The following ANKRD17 variants were observed in gnomAD, a reference collection of about 807,000 sequenced individuals.
The protein encoded by ANKRD17 is ankyrin repeat domain 17, also known as ankyrin repeat domain-containing protein 17.
In ANKRD17, 19 loss-of-function variants were observed where a neutral mutation model predicts 229.7. The ratio of observed to expected loss-of-function variants is 0.08; its 90% CI spans 0.06 to 0.12. The LOEUF (loss-of-function observed/expected upper bound fraction) is 0.12, where lower values mean the gene tolerates loss of function less well. Ranked by LOEUF, ANKRD17 falls within the 10% of genes least tolerant of loss-of-function variation. The pLI is 1.00. For missense variants in ANKRD17, 2,176 were observed against 3,176.8 expected (o/e 0.68, Z 7.57); for synonymous variants, 1,112 against 1,146.1 (o/e 0.97, Z 0.60).
intron 29 of ANKRD17, 109 bp downstream of exon 29, chr4:73,090,558 A>G: frequency 7.2e-7 from 1 of 1,386,330 alleles, no homozygotes; most frequent in Non-Finnish European, 9.9e-7. Context: ...TAAATCCAAC[A>G]ATCTTTGTCT....
At chr4:73,211,918 G>T (rs1740329898) in intron 1 of ANKRD17, among the ~76,000 whole-genome samples, 1 of 151,012 alleles carries the variant, frequency 6.6e-6, no homozygotes, top group Non-Finnish European at 1.5e-5. Context: ...GAAACTATAT[G>T]GTACAACTAA....
intron 29 of ANKRD17, among the ~76,000 whole-genome samples, chr4:73,086,022 T>G (rs1274995609): frequency 1.3e-5 from 2 of 152,008 alleles, no homozygotes; most frequent in African/African-American, 4.8e-5. Flanking sequence ...ATGTAGATAA[T>G]TATAAAAGAA....
chr4:73,217,725 A>G (rs916617264), intron 1 of ANKRD17, among the ~76,000 whole-genome samples: 12 of 152,126 alleles, frequency 7.9e-5, no homozygotes, highest in Non-Finnish European at 1.0e-4. Context: ...TCTGCATTTG[A>G]CCTCGTGTGA....
At chr4:73,193,750 G>A (rs1340821206) in intron 1 of ANKRD17, among the ~76,000 whole-genome samples, 2 of 152,012 alleles carry the variant, frequency 1.3e-5, no homozygotes, top group East Asian at 1.9e-4. Context: ...CCTGGTCAAC[G>A]TGGCAAAATC....
chr4:73,127,545 C>T (rs1450702640), intron 16 of ANKRD17, among the ~76,000 whole-genome samples: 2 of 152,044 alleles, frequency 1.3e-5, no homozygotes, highest in African/African-American at 4.8e-5. Flanking sequence ...GTACTTATCA[C>T]CAATCTGCCT....
At chr4:73,219,124 G>A (rs932664487) in intron 1 of ANKRD17, among the ~76,000 whole-genome samples, 3 of 152,140 alleles carry the variant, frequency 2.0e-5, no homozygotes, top group Admixed American at 2.0e-4. Flanking sequence ...ACTTCTTGAT[G>A]AATGGAAAAT....
rs1475283259 is a variant in ANKRD17 at position 73,258,700 on chromosome 4, G to A, written c.-32C>T. ...GGAAAGAGGGAGGGCGCGGACGGGG[G>A]AGGGGCGTGGGGCTACGCTCTACCG... On this transcript the variant is annotated 5_prime_UTR_variant, in exon 1 of 34. Coordinates refer to ENST00000358602, the MANE Select transcript of ANKRD17 (RefSeq NM_032217.5). 5 of 1,433,616 alleles carry A rather than the reference G, an allele frequency of 3.5e-6. No homozygotes were observed. The highest frequency in any genetic ancestry group is 4.5e-6 in the Non-Finnish European group (5 of 1,105,278). 88.8% of individuals were successfully genotyped at this position (1,433,616 alleles called of 1,614,324 possible). A position where few individuals can be genotyped will look rare whatever the true frequency, so the allele number is the denominator to read the frequency against.
At chr4:73,223,256 T>C in intron 1 of ANKRD17, 1 of 403,018 alleles carries the variant, frequency 2.5e-6, no homozygotes. Context: ...CAAGTAATTT[T>C]AACAGACAAA....
intron 15 of ANKRD17, among the ~76,000 whole-genome samples, chr4:73,139,269 T>C (rs778884351): frequency 3.3e-4 from 50 of 152,076 alleles, no homozygotes; most frequent in Non-Finnish European, 2.4e-4. Flanking sequence ...AAATCAAACA[T>C]CAACCCCACT....
rs567911996 is a variant in ANKRD17 at position 73,227,374 on chromosome 4, G to A, written c.393+30902C>T. 1.2e-4 allele frequency among the ~76,000 whole-genome samples: 18 copies of A among 152,058 alleles called. No homozygotes were observed. In the South Asian group the frequency reaches 2.7e-3, roughly 23 times the overall value. Reference sequence around the variant, plus strand: ...TCATCATGTTGGCCAGGGTGCTCTCGAACTCCTGACCTCAAGTGACCGCCT... The same window carrying A: ...TCATCATGTTGGCCAGGGTGCTCTCAAACTCCTGACCTCAAGTGACCGCCT... On this transcript the variant is annotated intron_variant, in intron 1 of 33. Coordinates refer to ENST00000358602, the MANE Select transcript of ANKRD17 (RefSeq NM_032217.5).
chr4:73,245,845 A>C (rs1322037955), intron 1 of ANKRD17, among the ~76,000 whole-genome samples: 3 of 152,186 alleles, frequency 2.0e-5, no homozygotes, highest in Non-Finnish European at 4.4e-5. Flanking sequence ...ATATTTTGCT[A>C]TAGTTATTGT....
intron 1 of ANKRD17, among the ~76,000 whole-genome samples, chr4:73,245,630 T>C (rs897396272): frequency 7.2e-5 from 11 of 152,178 alleles, no homozygotes; most frequent in South Asian, 2.1e-4. Flanking sequence ...CCAAATTCCT[T>C]GTAATAAATC....
At chr4:73,162,310 A>G (rs1221595663) in intron 2 of ANKRD17, among the ~76,000 whole-genome samples, 1 of 152,096 alleles carries the variant, frequency 6.6e-6, no homozygotes, top group Non-Finnish European at 1.5e-5. Flanking sequence ...TCAGCATGCC[A>G]AAGTACTGGG....
At chr4:73,252,788 A>G (rs572750059) in intron 1 of ANKRD17, among the ~76,000 whole-genome samples, 15 of 152,128 alleles carry the variant, frequency 9.9e-5, no homozygotes, top group Non-Finnish European at 1.6e-4. Context: ...TTCAGTATGA[A>G]GTTTTCATCT....
chr4:73,144,696 C>T, intron 11 of ANKRD17, 49 bp downstream of exon 11: 1 of 1,280,596 alleles, frequency 7.8e-7, no homozygotes, highest in Admixed American at 2.6e-5. Flanking sequence ...TAAATGAAGG[C>T]AGGGGTAGAT....
chr4:73,170,327 G>A (rs1486865052), intron 2 of ANKRD17, among the ~76,000 whole-genome samples: 1 of 152,014 alleles, frequency 6.6e-6, no homozygotes, highest in Non-Finnish European at 1.5e-5. Context: ...CCCTGTGCCA[G>A]AAGGGAACCT....
intron 25 of ANKRD17, among the ~76,000 whole-genome samples, chr4:73,100,301 G>A (rs192632720): frequency 8.7e-4 from 133 of 152,162 alleles, no homozygotes; most frequent in Admixed American, 2.0e-3. Context: ...GTGGGGCCCT[G>A]CCCCTAGGAT....
At chr4:73,155,998 C>T in intron 4 of ANKRD17, 21 bp downstream of exon 4, 1 of 1,554,456 alleles carries the variant, frequency 6.4e-7, no homozygotes, top group Non-Finnish European at 8.6e-7. Flanking sequence ...AACAAATAAG[C>T]TTTATTTTGA....
chr4:73,079,890 G>A lies in ANKRD17; in HGVS notation c.7160-1000C>T, dbSNP rs547596834. On this transcript the variant is annotated intron_variant, in intron 30 of 33. Transcript: ENST00000358602. ...AGCACTTTGGGAGGCCAAGGCGGGC[G>A]GATCATGGGATCAGGAGTTCGAGGG... Among the ~76,000 whole-genome samples, 17 of 152,218 alleles carry A rather than the reference G, an allele frequency of 1.1e-4. No individual in the cohort carries two copies. The South Asian group carries it at 1.7e-3, about 15-fold the overall frequency.
Sources: gnomAD v4.1 joint callset for allele counts (sites outside exome capture counted in the v4.1 genomes callset) on GRCh38, gnomAD v4.1.1 for gene constraint, MANE v1.5 for transcripts, NCBI Gene and HGNC (gene_info 2026-07-23, HGNC 2026-07-21) for gene names.